KCTD1: variants seen among roughly 807,000 people sequenced by gnomAD.
KCTD1 encodes the protein BTB/POZ domain-containing protein KCTD1.
KCTD1 carries 24 observed loss-of-function variants against 66.0 expected under a neutral mutation model. The ratio of observed to expected loss-of-function variants is 0.36; its 90% CI spans 0.26 to 0.51. The LOEUF is 0.51. Ranked by LOEUF, KCTD1 falls within the 20% of genes least tolerant of loss-of-function variation. The probability of loss-of-function intolerance (pLI) is 0.95; values close to 1 mark genes in which losing one functional copy is unlikely to be tolerated. For synonymous variants in KCTD1, 511 were observed against 517.2 expected (o/e 0.99, Z 0.16); for missense variants, 943 against 1,205.2 (o/e 0.78, Z 3.22).
At chr18:26,549,740 CA>C (rs1415824769), upstream of KCTD1, 5 of 985,338 alleles carry the variant, frequency 5.1e-6, no homozygotes, top group Non-Finnish European at 6.0e-6. Flanking sequence ...CAAAGTTTGC[CA>C]ACCGCCATTC....
chr18:26,494,053 G>A (rs1982344018), intron 2 of KCTD1, among the ~76,000 whole-genome samples: 1 of 152,186 alleles, frequency 6.6e-6, no homozygotes, highest in Admixed American at 6.5e-5. Context: ...CAGATGAGGA[G>A]CACACAGTAA....
In KCTD1 at chr18:26,455,693, TGA is replaced by T. The variant is rs762930279; in HGVS notation, c.*48_*49del. The T allele has an allele frequency of 1.9e-6, 3 of 1,609,114 alleles. No individual in the cohort carries two copies. Among genetic ancestry groups the T allele is most frequent in the Non-Finnish European group, 2.5e-6 (3 of 1,177,844 alleles). ...TGCACATAAATGTCCCTTTTTTGTT[TGA>T]GTTATTGGTTGTGTGTGTTTTCCTT... is the stretch of plus-strand genomic sequence containing the variant. On this transcript the variant is annotated 3_prime_UTR_variant, in exon 5 of 5. Coordinates refer to ENST00000580059, the MANE Select transcript of KCTD1 (RefSeq NM_001142730.3).
intron 2 of KCTD1, among the ~76,000 whole-genome samples, chr18:26,487,031 G>A (rs1981953218): frequency 6.6e-6 from 1 of 152,136 alleles, no homozygotes; most frequent in Non-Finnish European, 1.5e-5. Flanking sequence ...AAGATACCTG[G>A]AAGCAAGTAA....
At chr18:26,613,306 A>T (rs185632255) in intron 1 of KCTD1, among the ~76,000 whole-genome samples, 1 of 152,250 alleles carries the variant, frequency 6.6e-6, no homozygotes. Flanking sequence ...CACTCTGACG[A>T]TTTCCTTTTT....
intron 1 of KCTD1, among the ~76,000 whole-genome samples, chr18:26,607,425 A>G (rs576066952): frequency 1.3e-5 from 2 of 152,368 alleles, no homozygotes; most frequent in Non-Finnish European, 1.5e-5. Context: ...GAGCTAGCTG[A>G]GGGCAAGGAC....
chr18:26,616,629 T>C (rs1209057806), intron 1 of KCTD1, among the ~76,000 whole-genome samples: 1 of 151,760 alleles, frequency 6.6e-6, no homozygotes, highest in Non-Finnish European at 1.5e-5. Context: ...AAGTGATCCT[T>C]GGGCTTCAGC....
chr18:26,520,202 G>A (rs1053408796), intron 1 of KCTD1, among the ~76,000 whole-genome samples: 5 of 152,220 alleles, frequency 3.3e-5, no homozygotes, highest in Non-Finnish European at 7.3e-5. Flanking sequence ...GAGGCTCAGG[G>A]TGACTGGGTG....
chr18:26,549,793 G>A, upstream of KCTD1: 16 of 985,010 alleles, frequency 1.6e-5, no homozygotes, highest in Non-Finnish European at 1.9e-5. Flanking sequence ...CGCGGGGGCG[G>A]GCACCTCGGA....
At chr18:26,463,429 A>G (rs1035314112) in intron 3 of KCTD1, among the ~76,000 whole-genome samples, 5 of 152,066 alleles carry the variant, frequency 3.3e-5, no homozygotes, top group African/African-American at 1.2e-4. Flanking sequence ...AAAAAAGAGA[A>G]AAAAAAAGGC....
At chr18:26,612,958 T>C (rs1408366093) in intron 1 of KCTD1, among the ~76,000 whole-genome samples, 1 of 152,170 alleles carries the variant, frequency 6.6e-6, no homozygotes, top group Non-Finnish European at 1.5e-5. Flanking sequence ...GAAGCAGAAG[T>C]CCTCACTCAT....
upstream of KCTD1, among the ~76,000 whole-genome samples, chr18:26,551,952 G>C (rs1268267911): frequency 6.6e-6 from 1 of 152,122 alleles, no homozygotes; most frequent in East Asian, 1.9e-4. Context: ...TTGAAAGGAT[G>C]CTTTTTATTT....
At chr18:26,657,397 C>T (rs886363109) in exon 1 of KCTD1, 1 of 985,708 alleles carries the variant, frequency 1.0e-6, no homozygotes, top group East Asian at 1.1e-4. Flanking sequence ...TCCAAGTCCC[C>T]TTTTCCTTTT....
At chr18:26,608,203 T>C (rs771912069) in intron 1 of KCTD1, among the ~76,000 whole-genome samples, 10 of 152,252 alleles carry the variant, frequency 6.6e-5, no homozygotes, top group Admixed American at 6.5e-5. Context: ...AATAATCCTT[T>C]GAATGCATTG....
intron 3 of KCTD1, among the ~76,000 whole-genome samples, chr18:26,469,924 A>AAAC (rs1567957958): frequency 9.2e-5 from 14 of 151,602 alleles, no homozygotes; most frequent in African/African-American, 2.2e-4. Context: ...CCATCTCAAA[A>AAAC]AAACAAACAA....
intron 1 of KCTD1, among the ~76,000 whole-genome samples, chr18:26,509,388 T>A (rs544163547): frequency 6.6e-6 from 1 of 152,012 alleles, no homozygotes; most frequent in Admixed American, 6.6e-5. Flanking sequence ...AAGAATATAA[T>A]AAAATTTTTT....
intron 2 of KCTD1, among the ~76,000 whole-genome samples, chr18:26,483,706 G>T (rs113905729): frequency 1.8e-4 from 27 of 152,248 alleles, no homozygotes; most frequent in African/African-American, 6.5e-4. Context: ...CAGGGTGGAG[G>T]CTGGGTGAAG....
chr18:26,549,990 G>A (rs574103847), upstream of KCTD1, among the ~76,000 whole-genome samples: 37 of 152,156 alleles, frequency 2.4e-4, no homozygotes, highest in African/African-American at 8.9e-4. Flanking sequence ...GTTCTCTTAG[G>A]AGGCACAGCC....
intron 2 of KCTD1, among the ~76,000 whole-genome samples, chr18:26,483,990 A>G (rs1424663363): frequency 1.3e-5 from 2 of 152,244 alleles, no homozygotes; most frequent in Non-Finnish European, 2.9e-5. Context: ...ATATATTTTT[A>G]AATGTCCATA....
chr18:26,593,173 A>C (rs1335900146), intron 1 of KCTD1, among the ~76,000 whole-genome samples: 3 of 152,176 alleles, frequency 2.0e-5, no homozygotes, highest in Admixed American at 6.5e-5. Flanking sequence ...CACCACTTCC[A>C]TGCTTCACTC....
Sources: gnomAD v4.1 joint callset for allele counts (sites outside exome capture counted in the v4.1 genomes callset) on GRCh38, gnomAD v4.1.1 for gene constraint, MANE v1.5 for transcripts, NCBI Gene and HGNC (gene_info 2026-07-23, HGNC 2026-07-21) for gene names.